Variants in SLC24A2 observed in about 807,000 individuals in gnomAD.
The protein encoded by SLC24A2 is sodium/potassium/calcium exchanger 2.
A neutral mutation model predicts 62.0 loss-of-function variants in SLC24A2; 36 were observed. The ratio of observed to expected loss-of-function variants is 0.58; its 90% CI spans 0.44 to 0.77. The LOEUF (loss-of-function observed/expected upper bound fraction) is 0.77. Among genes scored for constraint, SLC24A2 ranks in the 30% least tolerant of loss-of-function variants. The pLI, the probability that SLC24A2 is intolerant of heterozygous loss-of-function variation, is 0.00. For missense variants in SLC24A2, 846 were observed against 817.9 expected, an observed-to-expected ratio of 1.03 and a Z score of -0.42; for synonymous variants, 358 against 294.0, an observed-to-expected ratio of 1.22 and a Z score of -2.23.
At chr9:19,758,333 G>C (rs1176716177) in intron 2 of SLC24A2, among the ~76,000 whole-genome samples, 1 of 152,160 alleles carries the variant, frequency 6.6e-6, no homozygotes, top group East Asian at 1.9e-4. Context: ...GATAGACACA[G>C]GGAGTATCCA....
At chr9:19,516,499 G>A (rs868289985) in intron 10 of SLC24A2, 97 bp from the exon 11 acceptor site, 102 of 1,427,298 alleles carry the variant, frequency 7.1e-5, no homozygotes, top group African/African-American at 6.1e-4. Context: ...TACCTTCTCA[G>A]GAACTCTAAA....
At position 19,535,750 on chromosome 9, in the gene SLC24A2, C is replaced by T. The variant is rs112757716; in HGVS notation, c.1480-7612G>A. 9.2e-5 allele frequency among the ~76,000 whole-genome samples: 14 copies of T among 152,148 alleles called. 1 individual carries two copies. Among genetic ancestry groups the T allele is most frequent in the African/African-American group, 2.2e-4 (9 of 41,508 alleles). ...TACCAGTACCATGCTGTTTTGGTTA[C>T]GGTAGCCTAGTTTGGAGTCAGGTAG... On this transcript the variant is annotated intron_variant, in intron 8 of 10. Transcript: ENST00000341998.
At chr9:19,830,216 G>T in the SLC24A2 span, among the ~76,000 whole-genome samples, 3 of 152,176 alleles carry the variant, frequency 2.0e-5, no homozygotes, top group Non-Finnish European at 4.4e-5. Flanking sequence ...ATGGCTAAAA[G>T]AAATTGCTAG....
At chr9:19,626,976 T>C (rs1364900973) in intron 2 of SLC24A2, among the ~76,000 whole-genome samples, 2 of 152,208 alleles carry the variant, frequency 1.3e-5, no homozygotes, top group East Asian at 1.9e-4. Context: ...CTCCTTTTAC[T>C]TTGTCTTAAC....
the SLC24A2 span, among the ~76,000 whole-genome samples, chr9:20,241,453 G>T: frequency 6.6e-6 from 1 of 152,126 alleles, no homozygotes; most frequent in Admixed American, 6.5e-5. Context: ...GTGACTTTTT[G>T]AAGGTGATTT....
chr9:19,707,397 C>T (rs375879361), intron 2 of SLC24A2, among the ~76,000 whole-genome samples: 4 of 152,348 alleles, frequency 2.6e-5, no homozygotes, highest in East Asian at 3.9e-4. Flanking sequence ...TCCTCCCTAA[C>T]TCATTTTATT....
chr9:19,883,800 C>G, the SLC24A2 span, among the ~76,000 whole-genome samples: 3 of 152,084 alleles, frequency 2.0e-5, no homozygotes, highest in Non-Finnish European at 4.4e-5. Context: ...CTCCTGACCT[C>G]GTGATCCGCC....
At chr9:19,536,237 C>T (rs529868332) in intron 8 of SLC24A2, among the ~76,000 whole-genome samples, 1 of 148,654 alleles carries the variant, frequency 6.7e-6, no homozygotes, top group East Asian at 2.0e-4. Context: ...TTTTAGGGTA[C>T]ATGTGCACAT....
the SLC24A2 span, among the ~76,000 whole-genome samples, chr9:19,847,737 T>C: frequency 6.6e-6 from 1 of 152,306 alleles, no homozygotes; most frequent in South Asian, 2.1e-4. Flanking sequence ...ATTTTCATTT[T>C]TTCTTCAGAC....
chr9:20,047,653 C>T, the SLC24A2 span, among the ~76,000 whole-genome samples: 2 of 143,528 alleles, frequency 1.4e-5, no homozygotes, highest in Non-Finnish European at 3.1e-5. Flanking sequence ...CATGGAGGGC[C>T]GCCTTCTCAT....
the SLC24A2 span, among the ~76,000 whole-genome samples, chr9:20,085,392 A>G: frequency 1.3e-5 from 2 of 152,200 alleles, no homozygotes; most frequent in African/African-American, 4.8e-5. Context: ...TTACATTCTA[A>G]TATGAAGGAT....
the SLC24A2 span, among the ~76,000 whole-genome samples, chr9:19,809,219 C>T: frequency 6.6e-6 from 1 of 151,934 alleles, no homozygotes; most frequent in East Asian, 1.9e-4. Flanking sequence ...TTTCTAATAT[C>T]TATGTATTTT....
Position 19,632,745 on chromosome 9 carries a change from T to A in SLC24A2, c.931-10446A>T, listed in dbSNP as rs1182603858. 6.6e-6 allele frequency among the ~76,000 whole-genome samples: 1 copy of A among 152,230 alleles called. No homozygotes were observed. ...CTCCAATGATAACATCTTGCACAACTATAGTACATCATTAAAACTAGGAAG... is the reference window on the plus strand; with the variant it reads ...CTCCAATGATAACATCTTGCACAACAATAGTACATCATTAAAACTAGGAAG... On this transcript the variant is annotated intron_variant, in intron 2 of 10. Transcript: ENST00000341998. This position sits in a 1 kb window ranked among gnomAD's most constrained non-coding sequence, Gnocchi z 4.5.
chr9:20,115,051 T>A, the SLC24A2 span, among the ~76,000 whole-genome samples: 1 of 152,162 alleles, frequency 6.6e-6, no homozygotes, highest in African/African-American at 2.4e-5. Context: ...TGGGAAATTT[T>A]AGAGGAAGAA....
intron 4 of SLC24A2, among the ~76,000 whole-genome samples, chr9:19,597,529 C>T (rs1286831659): frequency 6.6e-6 from 1 of 152,152 alleles, no homozygotes; most frequent in Non-Finnish European, 1.5e-5. Flanking sequence ...GCACAGTTAT[C>T]TTAACATCCA....
At chr9:20,221,426 G>C in the SLC24A2 span, among the ~76,000 whole-genome samples, 1 of 151,840 alleles carries the variant, frequency 6.6e-6, no homozygotes, top group Non-Finnish European at 1.5e-5. Flanking sequence ...AACTAATTTA[G>C]GTGAAAAAAT....
the SLC24A2 span, among the ~76,000 whole-genome samples, chr9:20,161,453 G>A: frequency 6.6e-6 from 1 of 151,346 alleles, no homozygotes; most frequent in Non-Finnish European, 1.5e-5. Context: ...CAATATCCCT[G>A]ATGAATATTG....
chr9:19,746,006 G>T lies in SLC24A2; in HGVS notation c.930+39931C>A, dbSNP rs554708670. 2.7e-3 allele frequency among the ~76,000 whole-genome samples: 407 copies of T among 152,060 alleles called. 2 individuals are homozygous for T. The highest frequency in any genetic ancestry group is 9.4e-3 in the African/African-American group (390 of 41,518). On this transcript the variant is annotated intron_variant, in intron 2 of 10. Coordinates refer to ENST00000341998, the MANE Select transcript of SLC24A2 (RefSeq NM_020344.4). ...AGTCTAATACATTAGTTGAAGAAAT[G>T]CTGGAAAATACAGAAAAGACTACAG...
At chr9:20,081,017 T>C in the SLC24A2 span, among the ~76,000 whole-genome samples, 7 of 152,226 alleles carry the variant, frequency 4.6e-5, no homozygotes, top group African/African-American at 1.4e-4. Context: ...GGAACACTTT[T>C]ACAATGTTGG....
Sources: allele counts gnomAD v4.1 joint callset (sites outside exome capture counted in the v4.1 genomes callset), GRCh38; gene constraint gnomAD v4.1.1; non-coding constraint Gnocchi (gnomAD v3.1); transcripts MANE v1.5; gene names NCBI Gene and HGNC (gene_info 2026-07-23, HGNC 2026-07-21).